AR: variants seen among roughly 807,000 people sequenced by gnomAD.
The protein encoded by AR is dihydrotestosterone receptor.
AR carries 8 observed loss-of-function variants against 53.9 expected under a neutral mutation model. The ratio of observed to expected loss-of-function variants is 0.15; its 90% CI spans 0.09 to 0.27. The LOEUF is 0.27. Ranked by LOEUF, AR falls within the 10% of genes least tolerant of loss-of-function variation. The probability of loss-of-function intolerance (pLI) is 1.00; values close to 1 mark genes in which losing one functional copy is unlikely to be tolerated. For synonymous variants in AR, 359 were observed against 316.4 expected, an observed-to-expected ratio of 1.13 and a Z score of -1.43; for missense variants, 639 against 742.5, an observed-to-expected ratio of 0.86 and a Z score of 1.62.
At chrX:67,572,689 A>G (rs1373303558) in intron 1 of AR, among the ~76,000 whole-genome samples, 1 of 111,357 alleles carries the variant, frequency 9.0e-6, no homozygotes, top group African/African-American at 3.3e-5. Flanking sequence ...TATGATGGAA[A>G]CTAAATTTCG....
intron 1 of AR, among the ~76,000 whole-genome samples, chrX:67,594,649 G>T (rs1475185918): frequency 9.0e-6 from 1 of 111,569 alleles, no homozygotes; most frequent in Non-Finnish European, 1.9e-5. Flanking sequence ...CTGCTAATAA[G>T]CCAATGAAAA....
chrX:67,594,607 G>A (rs902358994), intron 1 of AR, among the ~76,000 whole-genome samples: 2 of 111,100 alleles, frequency 1.8e-5, no homozygotes, highest in African/African-American at 6.6e-5. Flanking sequence ...AGCTTATAGG[G>A]CTAGTCTTCA....
chrX:67,636,501 T>C (rs1400793969), intron 1 of AR, among the ~76,000 whole-genome samples: 2 of 111,866 alleles, frequency 1.8e-5, no homozygotes, highest in African/African-American at 6.5e-5. Flanking sequence ...CCATTCCTTT[T>C]CATTGCTGAT....
rs996694402 is a variant in AR at position 67,544,840 on chromosome X, G to A, written c.-307G>A. 6.0e-5 allele frequency: 15 copies of A among 249,319 alleles called. No homozygotes were observed. Among genetic ancestry groups the A allele is most frequent in the Non-Finnish European group, 9.3e-5 (13 of 140,532 alleles). 20.5% of individuals were successfully genotyped at this position (249,319 alleles called of 1,213,427 possible). A position where few individuals can be genotyped will look rare whatever the true frequency, so the allele number is the denominator to read the frequency against. ...CAGTGGACACTGAATTTGGAAGGTGGAGGATTTTGTTTTTTTCTTTTAAGA... is the reference window on the plus strand; with the variant it reads ...CAGTGGACACTGAATTTGGAAGGTGAAGGATTTTGTTTTTTTCTTTTAAGA... On this transcript the variant is annotated 5_prime_UTR_variant, in exon 1 of 8. Transcript: ENST00000374690.
chrX:67,721,721 A>G (rs2076136520), intron 5 of AR, 112 bp from the exon 6 acceptor site: 1 of 1,034,387 alleles, frequency 9.7e-7, no homozygotes, highest in South Asian at 1.9e-5. Context: ...AGCAGGAGAA[A>G]CAGCAAGCTC....
At chrX:67,652,009 A>G (rs1926369333) in intron 2 of AR, among the ~76,000 whole-genome samples, 1 of 111,537 alleles carries the variant, frequency 9.0e-6, no homozygotes, top group African/African-American at 3.3e-5. Flanking sequence ...GTGGCTATAA[A>G]TGTAGATTAA....
chrX:67,585,246 G>C (rs1374687856), intron 1 of AR, among the ~76,000 whole-genome samples: 2 of 80,992 alleles, frequency 2.5e-5, no homozygotes, highest in African/African-American at 8.1e-5. Flanking sequence ...CTGGGTGACA[G>C]AGTGAGACTG....
intron 3 of AR, chrX:67,694,743 T>C: frequency 8.7e-7 from 1 of 1,154,530 alleles, no homozygotes; most frequent in Non-Finnish European, 1.1e-6. Flanking sequence ...ACTTGCCTCA[T>C]TCAAAATGAG....
chrX:67,724,457 G>C lies in AR; in HGVS notation c.*616G>C, dbSNP rs1339195757. 5.8e-6 allele frequency: 1 copy of C among 173,522 alleles called. No individual in the cohort carries two copies. Among genetic ancestry groups the C allele is most frequent in the Non-Finnish European group, 1.1e-5 (1 of 91,539 alleles). The allele number at this position is 173,522 out of a possible 1,213,427, so 14.3% of individuals were successfully genotyped here. A position where few individuals can be genotyped will look rare whatever the true frequency, so the allele number is the denominator to read the frequency against. On this transcript the variant is annotated 3_prime_UTR_variant, in exon 8 of 8. Coordinates refer to ENST00000374690, the MANE Select transcript of AR (RefSeq NM_000044.6). ...AAGGTGAAAATTGCAGGCCCATGGG[G>C]AGTTACTGATTTTTTCATCTCCTCC...
intron 2 of AR, among the ~76,000 whole-genome samples, chrX:67,661,628 A>G (rs1425413696): frequency 9.0e-6 from 1 of 111,641 alleles, no homozygotes; most frequent in Non-Finnish European, 1.9e-5. Flanking sequence ...ATCAATGTTT[A>G]TCAGGGATAT....
At chrX:67,670,503 G>A (rs1309574251) in intron 2 of AR, among the ~76,000 whole-genome samples, 3 of 105,840 alleles carry the variant, frequency 2.8e-5, no homozygotes, top group Non-Finnish European at 5.8e-5. Context: ...AAAAAAATTA[G>A]CAGCTATACT....
At chrX:67,614,270 C>T in intron 1 of AR, among the ~76,000 whole-genome samples, 1 of 111,644 alleles carries the variant, frequency 9.0e-6, no homozygotes, top group Non-Finnish European at 1.9e-5. Flanking sequence ...GCCATGCCAA[C>T]CCATATCCGA....
chrX:67,599,280 A>G (rs1366610839), intron 1 of AR, among the ~76,000 whole-genome samples: 2 of 111,754 alleles, frequency 1.8e-5, no homozygotes, highest in African/African-American at 3.3e-5. Context: ...CAATGAGGAT[A>G]GTTTGGTTTT....
chrX:67,722,708 A>T, intron 6 of AR, 119 bp from the exon 7 acceptor site: 1 of 887,055 alleles, frequency 1.1e-6, no homozygotes, highest in Non-Finnish European at 1.6e-6. Flanking sequence ...ACAGGAAGCC[A>T]AGTAGATGGT....
At chrX:67,653,289 C>G (rs890045430) in intron 2 of AR, among the ~76,000 whole-genome samples, 1 of 112,014 alleles carries the variant, frequency 8.9e-6, no homozygotes, top group Non-Finnish European at 1.9e-5. Flanking sequence ...CAAAGTCATA[C>G]AAATAGTCAG....
At chrX:67,670,567 A>G (rs1462606799) in intron 2 of AR, among the ~76,000 whole-genome samples, 1 of 107,232 alleles carries the variant, frequency 9.3e-6, no homozygotes, top group East Asian at 2.9e-4. Context: ...TATATATATA[A>G]TACATTTATA....
At chrX:67,634,150 G>A (rs761564780) in intron 1 of AR, among the ~76,000 whole-genome samples, 2 of 111,485 alleles carry the variant, frequency 1.8e-5, no homozygotes, top group Non-Finnish European at 3.8e-5. Context: ...TAAGGGTGGG[G>A]AAATAGTCCC....
chrX:67,659,027 T>C (rs1202204593), intron 2 of AR, among the ~76,000 whole-genome samples: 1 of 110,988 alleles, frequency 9.0e-6, no homozygotes, highest in Non-Finnish European at 1.9e-5. Context: ...TGATCAGATT[T>C]TCTTTTTTAG....
At chrX:67,582,698 C>T (rs767599084) in intron 1 of AR, among the ~76,000 whole-genome samples, 5 of 111,365 alleles carry the variant, frequency 4.5e-5, no homozygotes, top group Non-Finnish European at 9.4e-5. Flanking sequence ...TATTCCTGGA[C>T]ATTATGATTC....
Sources: allele counts gnomAD v4.1 joint callset (sites outside exome capture counted in the v4.1 genomes callset), GRCh38; gene constraint gnomAD v4.1.1; transcripts MANE v1.5; gene names NCBI Gene and HGNC (gene_info 2026-07-23, HGNC 2026-07-21).